RNF13: variants seen among roughly 807,000 people sequenced by gnomAD.
The protein encoded by RNF13 is ring finger protein 13.
A neutral mutation model predicts 37.7 loss-of-function variants in RNF13; 19 were observed. The observed-to-expected ratio is 0.50, with a 90% CI of 0.35 to 0.74. The LOEUF (loss-of-function observed/expected upper bound fraction) is 0.74, where lower values mean the gene tolerates loss of function less well. Ranked by LOEUF, RNF13 falls within the 30% of genes least tolerant of loss-of-function variation. The probability of loss-of-function intolerance (pLI) is 0.01; values close to 1 mark genes in which losing one functional copy is unlikely to be tolerated. For synonymous variants in RNF13, 144 were observed against 157.8 expected (o/e 0.91, Z 0.65); for missense variants, 375 against 453.0 (o/e 0.83, Z 1.56).
intron 7 of RNF13, among the ~76,000 whole-genome samples, chr3:149,913,316 T>A (rs1717177318): frequency 6.6e-6 from 1 of 152,188 alleles, no homozygotes; most frequent in Admixed American, 6.5e-5. Flanking sequence ...ATTCTTATAA[T>A]TGAGTATTAG....
At chr3:149,822,293 T>C (rs1559886631) in intron 1 of RNF13, among the ~76,000 whole-genome samples, 1 of 152,154 alleles carries the variant, frequency 6.6e-6, no homozygotes, top group Non-Finnish European at 1.5e-5. Context: ...TTTGATATCC[T>C]TCAGCATTGT....
chr3:149,843,947 G>T (rs1559901489), intron 1 of RNF13, among the ~76,000 whole-genome samples: 1 of 152,082 alleles, frequency 6.6e-6, no homozygotes, highest in Non-Finnish European at 1.5e-5. Context: ...TAGTTGTTTT[G>T]GTTATTATTC....
chr3:149,869,538 G>A (rs1312820552), intron 3 of RNF13, among the ~76,000 whole-genome samples: 4 of 151,392 alleles, frequency 2.6e-5, no homozygotes, highest in Non-Finnish European at 4.4e-5. Context: ...CCCGGGAGGC[G>A]GAGCTTGCAG....
chr3:149,854,426 CTT>C (rs1389533518), intron 3 of RNF13, among the ~76,000 whole-genome samples: 1 of 152,012 alleles, frequency 6.6e-6, no homozygotes, highest in African/African-American at 2.4e-5. Context: ...CTTTTTCATT[CTT>C]TTTTGTTCAT....
intron 3 of RNF13, among the ~76,000 whole-genome samples, chr3:149,867,798 G>A (rs1711534777): frequency 1.3e-5 from 2 of 151,792 alleles, no homozygotes; most frequent in Admixed American, 6.6e-5. Flanking sequence ...TTATTGATGA[G>A]TTAGGACTTT....
chr3:149,960,558 C>A (rs1365796712), intron 9 of RNF13, among the ~76,000 whole-genome samples, 182 bp from the exon 10 acceptor site: 2 of 151,940 alleles, frequency 1.3e-5, no homozygotes, highest in African/African-American at 4.8e-5. Flanking sequence ...TGCCACTGCA[C>A]TCCAGCCTGG....
intron 8 of RNF13, among the ~76,000 whole-genome samples, chr3:149,927,011 A>C (rs1460349072): frequency 2.0e-5 from 3 of 152,244 alleles, no homozygotes; most frequent in Non-Finnish European, 4.4e-5. Context: ...AGCAGAATAC[A>C]CACAGCATAA....
At chr3:149,843,659 A>G (rs1722377231) in intron 1 of RNF13, among the ~76,000 whole-genome samples, 1 of 152,248 alleles carries the variant, frequency 6.6e-6, no homozygotes, top group Admixed American at 6.5e-5. Flanking sequence ...ATACATGTGT[A>G]GGCAAGAAGC....
intron 1 of RNF13, among the ~76,000 whole-genome samples, chr3:149,831,545 T>G (rs1721055259): frequency 6.6e-6 from 1 of 152,236 alleles, no homozygotes. Context: ...GACCAATGCC[T>G]GTCCCCTCAT....
In RNF13 at chr3:149,856,279, A is replaced by G. The variant is rs375976508; in HGVS notation, c.195+3683A>G. Among the ~76,000 whole-genome samples, 47 of 152,310 alleles carry G rather than the reference A, an allele frequency of 3.1e-4. No individual in the cohort carries two copies. The East Asian group carries it at 7.5e-3, about 24-fold the overall frequency. On this transcript the variant is annotated intron_variant, in intron 3 of 9. Transcript: ENST00000392894. Reference sequence around the variant, plus strand: ...CCATTGCCCAGAATCAGAATTTAAAATGCCAGCCATGCAAAGATTTACATT... The same window carrying G: ...CCATTGCCCAGAATCAGAATTTAAAGTGCCAGCCATGCAAAGATTTACATT...
intron 7 of RNF13, among the ~76,000 whole-genome samples, chr3:149,918,044 G>A (rs1717724846): frequency 6.6e-6 from 1 of 151,980 alleles, no homozygotes; most frequent in African/African-American, 2.4e-5. Flanking sequence ...ACATTTTATT[G>A]TAATTTTAAA....
intron 8 of RNF13, among the ~76,000 whole-genome samples, chr3:149,929,134 A>G (rs550059945): frequency 6.6e-6 from 1 of 152,174 alleles, no homozygotes; most frequent in Non-Finnish European, 1.5e-5. Context: ...TACTATAAGA[A>G]ATACCCAAGA....
intron 6 of RNF13, among the ~76,000 whole-genome samples, chr3:149,909,962 A>AC: frequency 6.6e-6 from 1 of 151,762 alleles, no homozygotes; most frequent in South Asian, 2.1e-4. Context: ...GAAAAAAAAA[A>AC]ACAGAATATG....
intron 4 of RNF13, among the ~76,000 whole-genome samples, chr3:149,881,515 G>C (rs914972263): frequency 4.8e-4 from 73 of 152,158 alleles, no homozygotes; most frequent in African/African-American, 1.8e-3. Context: ...ATTTTTAGTA[G>C]AGATGGGGTT....
At chr3:149,862,855 A>G (rs1724410962) in intron 3 of RNF13, among the ~76,000 whole-genome samples, 1 of 152,206 alleles carries the variant, frequency 6.6e-6, no homozygotes, top group Non-Finnish European at 1.5e-5. Context: ...TGCTGGTATA[A>G]AAGAATGTCC....
At chr3:149,931,726 T>C (rs867863789) in intron 8 of RNF13, among the ~76,000 whole-genome samples, 2 of 152,214 alleles carry the variant, frequency 1.3e-5, no homozygotes, top group Admixed American at 1.3e-4. Context: ...CTCATCTAGC[T>C]ATTTGAAATA....
At chr3:149,827,150 G>GA (rs927058123) in intron 1 of RNF13, among the ~76,000 whole-genome samples, 1 of 151,490 alleles carries the variant, frequency 6.6e-6, no homozygotes. Context: ...AAATATTCAG[G>GA]AAAAAAAATG....
intron 8 of RNF13, among the ~76,000 whole-genome samples, chr3:149,923,016 C>T (rs1718301258): frequency 6.6e-6 from 1 of 151,662 alleles, no homozygotes; most frequent in African/African-American, 2.4e-5. Flanking sequence ...GAGAAAAAGG[C>T]AATAAAACAT....
At chr3:149,851,530 C>T (rs1361549569) in intron 2 of RNF13, 1 of 152,156 alleles carries the variant, frequency 6.6e-6, no homozygotes, top group Non-Finnish European at 1.5e-5. Context: ...TTTACTTGAT[C>T]CTTCCATCTT....
Sources: allele counts gnomAD v4.1 joint callset (sites outside exome capture counted in the v4.1 genomes callset), GRCh38; gene constraint gnomAD v4.1.1; transcripts MANE v1.5; gene names NCBI Gene and HGNC (gene_info 2026-07-23, HGNC 2026-07-21).